The following PCSK2 variants were observed in gnomAD, a reference collection of about 807,000 sequenced individuals.
PCSK2 encodes the protein proprotein convertase subtilisin/kexin type 2, also known as neuroendocrine convertase 2.
Under a neutral mutation model 69.7 loss-of-function variants are expected in PCSK2, and 14 were observed. The observed-to-expected ratio is 0.20, with a 90% CI of 0.13 to 0.31. The LOEUF (loss-of-function observed/expected upper bound fraction) is 0.31. PCSK2 is among the 10% of genes least tolerant of loss of function. The probability of loss-of-function intolerance (pLI) is 1.00; values close to 1 mark genes in which losing one functional copy is unlikely to be tolerated. For missense variants in PCSK2, 544 were observed against 842.5 expected (o/e 0.65, Z 4.39); for synonymous variants, 307 against 320.7 (o/e 0.96, Z 0.46).
At chr20:17,411,728 C>T (rs74920028) in intron 6 of PCSK2, among the ~76,000 whole-genome samples, 1 of 152,094 alleles carries the variant, frequency 6.6e-6, no homozygotes, top group Non-Finnish European at 1.5e-5. Flanking sequence ...GGGTCCCTTA[C>T]CCCCATGTAG....
intron 5 of PCSK2, among the ~76,000 whole-genome samples, chr20:17,382,399 A>C (rs150375536): frequency 1.2e-3 from 183 of 152,308 alleles, no homozygotes; most frequent in Middle Eastern, 3.4e-3. Flanking sequence ...CTTAGCTCAC[A>C]CAGACAGTGA....
intron 6 of PCSK2, among the ~76,000 whole-genome samples, chr20:17,412,629 T>G (rs1178308893): frequency 1.3e-5 from 2 of 152,160 alleles, no homozygotes; most frequent in African/African-American, 4.8e-5. Context: ...CCAGGAGAAC[T>G]TCCCCAACCT....
At chr20:17,420,238 G>A (rs1358323443) in intron 6 of PCSK2, among the ~76,000 whole-genome samples, 1 of 152,208 alleles carries the variant, frequency 6.6e-6, no homozygotes, top group Non-Finnish European at 1.5e-5. Context: ...TCACACTGAT[G>A]TAAGCTGATA....
intron 2 of PCSK2, among the ~76,000 whole-genome samples, chr20:17,337,935 A>T (rs945938746): frequency 6.6e-6 from 1 of 150,988 alleles, no homozygotes; most frequent in African/African-American, 2.4e-5. Context: ...TCTCAAAAAA[A>T]AAAAAAAGCA....
chr20:17,290,382 G>A (rs1050658391), intron 2 of PCSK2, among the ~76,000 whole-genome samples: 2 of 152,106 alleles, frequency 1.3e-5, no homozygotes, highest in Admixed American at 1.3e-4. Context: ...TATGGAAAAT[G>A]GTTTGTTCTC....
intron 1 of PCSK2, 84 bp from the exon 2 acceptor site, chr20:17,260,156 T>G (rs948564900): frequency 3.0e-5 from 25 of 836,102 alleles, no homozygotes; most frequent in Middle Eastern, 4.5e-4. Context: ...ATGGAGCCCC[T>G]GCAAGCAGCC....
intron 2 of PCSK2, among the ~76,000 whole-genome samples, chr20:17,291,844 A>G (rs1280516068): frequency 6.6e-6 from 1 of 152,114 alleles, no homozygotes; most frequent in Non-Finnish European, 1.5e-5. Flanking sequence ...AGGCTCCTTT[A>G]TTTTTTTGGC....
chr20:17,464,490 A>C (rs4362633), intron 10 of PCSK2: 15,017 of 152,222 alleles, frequency 0.099, 822 homozygotes, highest in Non-Finnish European at 0.12. Context: ...AATGGAACAC[A>C]CCCACATGCC....
intron 2 of PCSK2, among the ~76,000 whole-genome samples, chr20:17,291,389 T>C (rs1037455876): frequency 9.2e-5 from 14 of 152,296 alleles, no homozygotes; most frequent in Middle Eastern, 3.4e-3. Context: ...TTTTGTTTTG[T>C]TTTGTTTTTG....
chr20:17,239,024 A>G (rs1986450221), intron 1 of PCSK2, among the ~76,000 whole-genome samples: 1 of 152,230 alleles, frequency 6.6e-6, no homozygotes, highest in African/African-American at 2.4e-5. Context: ...CAATCAGGAA[A>G]ACCAAGTATG....
intron 2 of PCSK2, 78 bp downstream of exon 2, chr20:17,260,422 C>A: frequency 3.0e-6 from 3 of 984,208 alleles, no homozygotes; most frequent in Non-Finnish European, 4.9e-6. Flanking sequence ...GAGGGGCTGG[C>A]AGGGAATTTT....
intron 7 of PCSK2, among the ~76,000 whole-genome samples, chr20:17,432,773 C>T (rs936394691): frequency 6.6e-6 from 1 of 152,232 alleles, no homozygotes; most frequent in Non-Finnish European, 1.5e-5. Flanking sequence ...GGAGTCGTAA[C>T]ACTGTCTCCT....
At chr20:17,231,129 C>T (rs1340389523) in intron 1 of PCSK2, among the ~76,000 whole-genome samples, 1 of 152,138 alleles carries the variant, frequency 6.6e-6, no homozygotes, top group African/African-American at 2.4e-5. Context: ...TTAAAAAGAA[C>T]CTGATATTAT....
In PCSK2 at chr20:17,347,863, GAGAGAGAAAA is replaced by G. The variant is rs1568612177; in HGVS notation, c.283-10462_283-10453del. On this transcript the variant is annotated intron_variant, in intron 2 of 11. Transcript: ENST00000262545. ...AAGAAAGAAAGAAAGAAAGAAAGAG[GAGAGAGAAAA>G]AAGAAAGAAAGAAAGAAAGAAAGAA... 3.1e-4 allele frequency among the ~76,000 whole-genome samples: 13 copies of G among 41,438 alleles called. 1 individual carries two copies. Among genetic ancestry groups the G allele is most frequent in the East Asian group, 3.0e-3 (4 of 1,326 alleles). The allele number at this position is 41,438 out of a possible 152,430, so 27.2% of individuals were successfully genotyped here.
intron 2 of PCSK2, among the ~76,000 whole-genome samples, chr20:17,289,454 C>G (rs968054453): frequency 1.3e-5 from 2 of 152,100 alleles, no homozygotes; most frequent in African/African-American, 4.8e-5. Flanking sequence ...TGGGAACCCT[C>G]TGTACTTTCC....
At chr20:17,278,685 C>T (rs145461075) in intron 2 of PCSK2, among the ~76,000 whole-genome samples, 144 of 151,938 alleles carry the variant, frequency 9.5e-4, no homozygotes, top group Non-Finnish European at 1.4e-3. Flanking sequence ...CAAAGCTGCA[C>T]GCTATGCACA....
At chr20:17,292,311 G>C (rs902390216) in intron 2 of PCSK2, among the ~76,000 whole-genome samples, 2 of 148,228 alleles carry the variant, frequency 1.3e-5, no homozygotes, top group African/African-American at 2.4e-5. Context: ...AGAAAGAAAA[G>C]AAAGGCCTTA....
At chr20:17,384,188 G>A (rs2031167694) in intron 5 of PCSK2, among the ~76,000 whole-genome samples, 1 of 152,164 alleles carries the variant, frequency 6.6e-6, no homozygotes. Flanking sequence ...AAATCTGAGA[G>A]GGAGGACAAA....
At chr20:17,450,713 G>A (rs969920765) in intron 8 of PCSK2, among the ~76,000 whole-genome samples, 1 of 152,126 alleles carries the variant, frequency 6.6e-6, no homozygotes, top group Non-Finnish European at 1.5e-5. Context: ...CAAACACTGG[G>A]TCTTCCCATG....
Sources: gnomAD v4.1 joint callset for allele counts (sites outside exome capture counted in the v4.1 genomes callset) on GRCh38, gnomAD v4.1.1 for gene constraint, MANE v1.5 for transcripts, NCBI Gene and HGNC (gene_info 2026-07-23, HGNC 2026-07-21) for gene names.